The following HYKK variants were observed in gnomAD, a reference collection of about 807,000 sequenced individuals.
The protein encoded by HYKK is 5-hydroxy-L-lysine kinase.
Under a neutral mutation model 29.7 loss-of-function variants are expected in HYKK, and 19 were observed. The ratio of observed to expected loss-of-function variants is 0.64; its 90% CI spans 0.45 to 0.94. The LOEUF (loss-of-function observed/expected upper bound fraction) is 0.94. Ranked by LOEUF, HYKK falls within the 40% of genes least tolerant of loss-of-function variation. The pLI is 0.00. For missense variants in HYKK, 390 were observed against 443.4 expected, an observed-to-expected ratio of 0.88 and a Z score of 1.08; for synonymous variants, 152 against 158.1, an observed-to-expected ratio of 0.96 and a Z score of 0.29.
rs7169751 is a variant in HYKK, at chr15:78,530,387, A to G, written c.662-2823A>G. ...GGCTACTTTTTTTGTATTATTATTC[A>G]TGGGTATTTAGAAGTATAAATCCTG... On this transcript the variant is annotated intron_variant, in intron 4 of 4. Transcript: ENST00000388988. Among the ~76,000 whole-genome samples the G allele has an allele frequency of 9.0e-3, 1,363 of 152,050 alleles. 26 individuals are homozygous for G. The highest frequency in any genetic ancestry group is 0.03 in the African/African-American group (1,235 of 41,444).
In HYKK at chr15:78,513,135, C is replaced by A; in HGVS notation, c.47C>A (p.Thr16Asn). 9 of 1,614,096 alleles carry A rather than the reference C, an allele frequency of 5.6e-6. No individual in the cohort carries two copies. The South Asian group carries it at 9.9e-5, about 18-fold the overall frequency. ...YQQSEALSKP[T>N]FSEEQASALV... ...CAGTCAGAGGCTCTTAGCAAACCCA[C>A]TTTCAGTGAGGAACAAGCCTCTGCG... The change falls in exon 2 of 5, where the codon ACT (threonine) becomes AAT (asparagine). Residue 16 changes from threonine (T) to asparagine (N), a missense_variant. Thr to Asn is a moderately conservative substitution (Grantham distance 65). Coordinates refer to ENST00000388988, the MANE Select transcript of HYKK (RefSeq NM_001013619.4).
chr15:78,519,580 T>A (rs556446129), intron 3 of HYKK, among the ~76,000 whole-genome samples: 1 of 152,226 alleles, frequency 6.6e-6, no homozygotes, highest in South Asian at 2.1e-4. Flanking sequence ...GCCAACATAA[T>A]GAAACCCCAT....
intron 4 of HYKK, chr15:78,528,428 C>G: frequency 1.0e-6 from 1 of 985,426 alleles, no homozygotes; most frequent in South Asian, 4.7e-5. Context: ...ATCTATCTCC[C>G]TGTGTACACA....
chr15:78,524,051 G>T (rs1008882374), intron 3 of HYKK, among the ~76,000 whole-genome samples: 1 of 152,222 alleles, frequency 6.6e-6, no homozygotes, highest in African/African-American at 2.4e-5. Context: ...TCTAGAGGAT[G>T]GTGGCCCTCT....
At chr15:78,526,561 G>C (rs948103259) in intron 3 of HYKK, among the ~76,000 whole-genome samples, 1 of 152,192 alleles carries the variant, frequency 6.6e-6, no homozygotes, top group African/African-American at 2.4e-5. Context: ...AAAGCAAAAG[G>C]CTGTGAGGTG....
chr15:78,530,417 C>G (rs2052300314), intron 4 of HYKK, among the ~76,000 whole-genome samples: 1 of 151,976 alleles, frequency 6.6e-6, no homozygotes, highest in Admixed American at 6.6e-5. Context: ...ATCCTGTTCC[C>G]CAAAATATGA....
At position 78,513,153 on chromosome 15, in the gene HYKK, CCTCTGCGTTA is replaced by C; in HGVS notation, c.66_75del (p.Ser23TrpfsTer7). 5 of 1,614,080 alleles carry C rather than the reference CCTCTGCGTTA, an allele frequency of 3.1e-6. No individual in the cohort carries two copies. Among genetic ancestry groups the C allele is most frequent in the Non-Finnish European group, 4.2e-6 (5 of 1,179,942 alleles). On this transcript the variant is annotated frameshift_variant, in exon 2 of 5. Transcript: ENST00000388988. LOFTEE classifies it high-confidence loss of function. ...AAACCCACTTTCAGTGAGGAACAAG[CCTCTGCGTTA>C]GTGGAGTCAGTGTTTGGGTTGAAAG... is the stretch of plus-strand genomic sequence containing the variant.
At chr15:78,520,746 CTGTTGGGTA>C (rs2052184786) in intron 3 of HYKK, among the ~76,000 whole-genome samples, 2 of 152,198 alleles carry the variant, frequency 1.3e-5, no homozygotes, top group Non-Finnish European at 2.9e-5. Flanking sequence ...TCTCAATGAG[CTGTTGGGTA>C]CACCTCCCAG....
At chr15:78,514,147 G>A (rs1469293092) in intron 2 of HYKK, among the ~76,000 whole-genome samples, 2 of 151,468 alleles carry the variant, frequency 1.3e-5, no homozygotes, top group Admixed American at 1.3e-4. Context: ...TTATTATTTA[G>A]AGAAGCTATA....
At chr15:78,515,208 C>A in intron 3 of HYKK, 101 bp downstream of exon 3, 2 of 855,616 alleles carry the variant, frequency 2.3e-6, no homozygotes, top group Non-Finnish European at 3.4e-6. Flanking sequence ...ATGTATGGTG[C>A]TACCTAAGGT....
rs759893705 is a variant in HYKK, at chr15:78,527,386, C to T, written c.484C>T (p.His162Tyr). The T allele has an allele frequency of 2.5e-6, 4 of 1,613,486 alleles. No individual in the cohort carries two copies. Among genetic ancestry groups the T allele is most frequent in the Non-Finnish European group, 3.4e-6 (4 of 1,179,700 alleles). ...TATCTCGCTTTTGATTTAGAGATTC[C>T]ATCACCCAAAGTTAAGTAGTCTTCA... The part of the protein sequence containing the change: ...AKLDKTLQRF[H>Y]HPKLSSLHRE... The change falls in exon 4 of 5, where the codon CAT becomes TAT. Residue 162 changes from histidine (H) to tyrosine (Y), a missense_variant. His to Tyr is a moderately conservative substitution (Grantham distance 83, BLOSUM62 2). Transcript: ENST00000388988.
chr15:78,522,558 C>CAAA (rs746784955), intron 3 of HYKK, among the ~76,000 whole-genome samples: 11 of 42,724 alleles, frequency 2.6e-4, no homozygotes, highest in Non-Finnish European at 4.1e-4. Context: ...GACTCCGTCT[C>CAAA]AAAAAAAAAA....
At chr15:78,513,551 G>A in intron 2 of HYKK, 126 bp downstream of exon 2, 1 of 696,598 alleles carries the variant, frequency 1.4e-6, no homozygotes, top group Admixed American at 2.8e-5. Flanking sequence ...TTATTTTTTA[G>A]CACCTCAATA....
intron 1 of HYKK, among the ~76,000 whole-genome samples, chr15:78,509,976 G>A (rs2052055124): frequency 6.6e-6 from 1 of 152,238 alleles, no homozygotes; most frequent in South Asian, 2.1e-4. Context: ...AGAGGCTGGA[G>A]CAATCACTTT....
At chr15:78,527,593 T>C in intron 4 of HYKK, 30 bp downstream of exon 4, 1 of 1,609,800 alleles carries the variant, frequency 6.2e-7, no homozygotes, top group East Asian at 2.2e-5. Context: ...AGTATTTTTC[T>C]TGATATTTAA....
intron 1 of HYKK, among the ~76,000 whole-genome samples, chr15:78,511,448 G>A (rs1038204190): frequency 3.9e-5 from 6 of 152,068 alleles, no homozygotes; most frequent in South Asian, 2.1e-4. Context: ...AAGGCCCAGC[G>A]TGGTGGCTCA....
intron 3 of HYKK, among the ~76,000 whole-genome samples, chr15:78,523,647 C>G (rs556220721): frequency 1.3e-5 from 2 of 152,302 alleles, no homozygotes; most frequent in East Asian, 1.9e-4. Context: ...CAAAGTCTCA[C>G]CTGAGACAAG....
chr15:78,523,376 G>A (rs1269697655), intron 3 of HYKK, among the ~76,000 whole-genome samples: 1 of 152,098 alleles, frequency 6.6e-6, no homozygotes, highest in African/African-American at 2.4e-5. Context: ...ACTGTCATGA[G>A]AGCAGCCTCA....
At chr15:78,518,810 G>A in intron 3 of HYKK, 1 of 290,870 alleles carries the variant, frequency 3.4e-6, no homozygotes, top group Middle Eastern at 1.3e-3. Context: ...AGCTACTGGG[G>A]AGGCTGAGAC....
Sources: allele counts gnomAD v4.1 joint callset (sites outside exome capture counted in the v4.1 genomes callset), GRCh38; gene constraint gnomAD v4.1.1; transcripts MANE v1.5; gene names NCBI Gene and HGNC (gene_info 2026-07-23, HGNC 2026-07-21).